The following SLCO5A1 variants were observed in gnomAD, a reference collection of about 807,000 sequenced individuals.
SLCO5A1 encodes the protein solute carrier organic anion transporter family member 5A1, also known as organic anion transporter polypeptide-related protein 4.
Under a neutral mutation model 65.1 loss-of-function variants are expected in SLCO5A1, and 39 were observed. The observed-to-expected ratio is 0.60, with a 90% CI of 0.46 to 0.78. SLCO5A1 has a LOEUF of 0.78. Among genes scored for constraint, SLCO5A1 ranks in the 30% least tolerant of loss-of-function variants. The pLI is 0.00. For synonymous variants in SLCO5A1, 438 were observed against 415.7 expected, an observed-to-expected ratio of 1.05 and a Z score of -0.65; for missense variants, 1,029 against 1,069.4, an observed-to-expected ratio of 0.96 and a Z score of 0.53.
rs570201303 is a variant in SLCO5A1, at chr8:69,832,430, T to C, written c.244A>G (p.Ser82Gly). The change falls in exon 2 of 10, where the codon AGT becomes GGT. Residue 82 changes from serine to glycine, a missense_variant. Ser to Gly is a moderately conservative substitution (Grantham distance 56, BLOSUM62 0). This residue lies in a region of SLCO5A1 where 647 missense variants were observed against 647.5 expected (regional missense o/e 1.00). Transcript: ENST00000260126. This position sits in a 1 kb window ranked among gnomAD's most constrained non-coding sequence, Gnocchi z 4.5. ...GCCGAAGTGGACGGGGCAGAGGGAC[T>C]GGGGGCCAACGGGTTCGGGCCTTGC... ...LKQGPNPLAP[S>G]PSAPSTSAGL... is the part of the protein sequence containing the mutation. 14 of 1,613,000 alleles carry C rather than the reference T, an allele frequency of 8.7e-6. No individual in the cohort carries two copies. In the Admixed American group the frequency reaches 1.8e-4, roughly 21 times the overall value.
intron 2 of SLCO5A1, among the ~76,000 whole-genome samples, chr8:69,826,007 T>C (rs1002740909): frequency 3.3e-5 from 5 of 152,072 alleles, no homozygotes; most frequent in Admixed American, 2.6e-4. Flanking sequence ...TTTGACAAAC[T>C]GGACAAAAAC....
chr8:69,681,833 A>C (rs952999791), intron 7 of SLCO5A1, among the ~76,000 whole-genome samples: 7 of 152,140 alleles, frequency 4.6e-5, no homozygotes, highest in African/African-American at 1.7e-4. Context: ...TCAGCACCAA[A>C]TGTGGTCATC....
chr8:69,714,074 T>C (rs745849820), intron 5 of SLCO5A1, among the ~76,000 whole-genome samples: 28 of 152,360 alleles, frequency 1.8e-4, no homozygotes, highest in Admixed American at 8.5e-4. Context: ...TCTCACAAAC[T>C]ATAAATGACT....
intron 6 of SLCO5A1, among the ~76,000 whole-genome samples, chr8:69,700,674 T>C (rs907220991): frequency 3.3e-5 from 5 of 151,702 alleles, no homozygotes; most frequent in African/African-American, 1.2e-4. Context: ...ATACAAAGCA[T>C]TGGGAAAAAG....
intron 4 of SLCO5A1, among the ~76,000 whole-genome samples, chr8:69,743,893 G>A (rs759184831): frequency 6.6e-6 from 1 of 152,130 alleles, no homozygotes; most frequent in Non-Finnish European, 1.5e-5. Context: ...AGACTATAAA[G>A]GGCTAATTAG....
intron 6 of SLCO5A1, among the ~76,000 whole-genome samples, chr8:69,688,305 C>A (rs1279293497): frequency 6.6e-6 from 1 of 151,810 alleles, no homozygotes; most frequent in African/African-American, 2.4e-5. Context: ...GTAATATCTA[C>A]AATAAATGAT....
At chr8:69,788,508 A>T (rs546933516) in intron 2 of SLCO5A1, among the ~76,000 whole-genome samples, 1 of 152,122 alleles carries the variant, frequency 6.6e-6, no homozygotes, top group East Asian at 1.9e-4. Context: ...AATCATGCCA[A>T]CTCAGCTTGC....
chr8:69,775,405 T>G (rs1214949120), intron 2 of SLCO5A1, among the ~76,000 whole-genome samples: 1 of 152,156 alleles, frequency 6.6e-6, no homozygotes, highest in African/African-American at 2.4e-5. Context: ...TTGGCACATG[T>G]ATCCATATAT....
chr8:69,828,327 G>A (rs989665748), intron 2 of SLCO5A1, among the ~76,000 whole-genome samples: 2 of 151,968 alleles, frequency 1.3e-5, no homozygotes, highest in Admixed American at 6.6e-5. Flanking sequence ...GAAGGGCCGG[G>A]TGCAGTGGCT....
intron 2 of SLCO5A1, among the ~76,000 whole-genome samples, chr8:69,772,567 A>AGGAAAGGAAAGGAAT (rs1478102384): frequency 2.0e-4 from 8 of 40,052 alleles, no homozygotes; most frequent in African/African-American, 6.1e-4. Context: ...GGGAGGAGAA[A>AGGAAAGGAAAGGAAT]GGAAAGGAAA....
At position 69,787,692 on chromosome 8, in the gene SLCO5A1, G is replaced by T. The variant is rs116313879; in HGVS notation, c.908-25817C>A. 7.4e-3 allele frequency among the ~76,000 whole-genome samples: 1,122 copies of T among 152,318 alleles called. 13 individuals carry two copies. Among genetic ancestry groups the T allele is most frequent in the African/African-American group, 0.026 (1,075 of 41,570 alleles). Reference sequence around the variant, plus strand: ...CTCAAATCAGGTCAGGTTAGGCTTTGCCATCATGTGAGTTATGAACTAACT... The same window carrying T: ...CTCAAATCAGGTCAGGTTAGGCTTTTCCATCATGTGAGTTATGAACTAACT... On this transcript the variant is annotated intron_variant, in intron 2 of 9. Transcript: ENST00000260126.
At chr8:69,680,587 A>G (rs1813727988) in intron 7 of SLCO5A1, among the ~76,000 whole-genome samples, 1 of 152,190 alleles carries the variant, frequency 6.6e-6, no homozygotes, top group Non-Finnish European at 1.5e-5. Context: ...CAGTGCTGCG[A>G]TGAACATACA....
Position 69,710,454 on chromosome 8 carries a change from C to T in SLCO5A1, c.1424-5225G>A, listed in dbSNP as rs1815188491. ...CAGCCCCAAGCTGGGCCCTAATTAT[C>T]ACAGCGACCTCTTACACCCAATAGG... On this transcript the variant is annotated intron_variant, in intron 5 of 9. Coordinates refer to ENST00000260126, the MANE Select transcript of SLCO5A1 (RefSeq NM_030958.3). 1.3e-5 allele frequency among the ~76,000 whole-genome samples: 2 copies of T among 152,094 alleles called. 1 individual carries two copies. The highest frequency in any genetic ancestry group is 4.1e-4 in the South Asian group (2 of 4,820).
rs187664221 is a variant in SLCO5A1 at position 69,795,519 on chromosome 8, A to G, written c.908-33644T>C. Among the ~76,000 whole-genome samples, 458 of 152,360 alleles carry G rather than the reference A, an allele frequency of 3.0e-3. 4 individuals carry two copies. Among genetic ancestry groups the G allele is most frequent in the African/African-American group, 0.01 (422 of 41,580 alleles). ...CAAGTCCCACATCCAAGGCACTCTGATGCAAGGGGTGGGCTCCCAAGGCCT... is the reference window on the plus strand; with the variant it reads ...CAAGTCCCACATCCAAGGCACTCTGGTGCAAGGGGTGGGCTCCCAAGGCCT... On this transcript the variant is annotated intron_variant, in intron 2 of 9. Coordinates refer to ENST00000260126, the MANE Select transcript of SLCO5A1 (RefSeq NM_030958.3).
At chr8:69,696,021 G>A (rs746910861) in intron 6 of SLCO5A1, among the ~76,000 whole-genome samples, 2 of 152,172 alleles carry the variant, frequency 1.3e-5, no homozygotes, top group African/African-American at 2.4e-5. Flanking sequence ...GCAAATATGA[G>A]GTCCTGCTAA....
chr8:69,722,534 A>G (rs1483086154), intron 5 of SLCO5A1, among the ~76,000 whole-genome samples: 1 of 152,206 alleles, frequency 6.6e-6, no homozygotes, highest in Non-Finnish European at 1.5e-5. Context: ...TACATGAATG[A>G]CACACCTTGT....
At position 69,800,346 on chromosome 8, in the gene SLCO5A1, CAGG is replaced by C. The variant is rs1047992905; in HGVS notation, c.907+31418_907+31420del. Among the ~76,000 whole-genome samples, 227 of 149,874 alleles carry C rather than the reference CAGG, an allele frequency of 1.5e-3. 1 individual carries two copies. The highest frequency in any genetic ancestry group is 5.4e-3 in the African/African-American group (219 of 40,702). Reference sequence around the variant, plus strand: ...ACAAATCACTGCAGCTTTGACCTCCCAGGAGGAGGAGGAGGAGAAGAGGCCTGC... The same window carrying C: ...ACAAATCACTGCAGCTTTGACCTCCCAGGAGGAGGAGGAGAAGAGGCCTGC... On this transcript the variant is annotated intron_variant, in intron 2 of 9. Coordinates refer to ENST00000260126, the MANE Select transcript of SLCO5A1 (RefSeq NM_030958.3).
At chr8:69,696,874 T>G (rs1814519684) in intron 6 of SLCO5A1, among the ~76,000 whole-genome samples, 1 of 151,750 alleles carries the variant, frequency 6.6e-6, no homozygotes, top group Non-Finnish European at 1.5e-5. Context: ...AAGGGAACAC[T>G]CAGAATCCAG....
chr8:69,789,496 A>G (rs1819177470), intron 2 of SLCO5A1, among the ~76,000 whole-genome samples: 1 of 152,224 alleles, frequency 6.6e-6, no homozygotes, highest in Admixed American at 6.5e-5. Context: ...ATTCAGAAAG[A>G]GAATGAAACA....
Sources: allele counts gnomAD v4.1 joint callset (sites outside exome capture counted in the v4.1 genomes callset), GRCh38; gene constraint gnomAD v4.1.1; regional missense constraint gnomAD v4.1.1; non-coding constraint Gnocchi (gnomAD v3.1); transcripts MANE v1.5; gene names NCBI Gene and HGNC (gene_info 2026-07-23, HGNC 2026-07-21).